TACC2: variants seen among roughly 807,000 people sequenced by gnomAD.
TACC2 encodes the protein transforming acidic coiled-coil-containing protein 2.
TACC2 carries 137 observed loss-of-function variants against 227.3 expected under a neutral mutation model. That is an observed-to-expected ratio of 0.60 (90% CI 0.52 to 0.69). The LOEUF (loss-of-function observed/expected upper bound fraction) is 0.69. Ranked by LOEUF, TACC2 falls within the 30% of genes least tolerant of loss-of-function variation. TACC2 has a pLI of 0.00. For missense variants in TACC2, 3,470 were observed against 3,694.4 expected, an observed-to-expected ratio of 0.94 and a Z score of 1.57; for synonymous variants, 1,523 against 1,487.5, an observed-to-expected ratio of 1.02 and a Z score of -0.55.
At chr10:122,198,964 TGGCAGGAGAGCTGAGGCAG>T (rs1411523018) in intron 8 of TACC2, among the ~76,000 whole-genome samples, 19 of 152,330 alleles carry the variant, frequency 1.2e-4, no homozygotes, top group African/African-American at 4.3e-4. Context: ...GGGGGCGACA[TGGCAGGAGAGCTGAGGCAG>T]GTCCATTCTG....
chr10:122,133,841 A>G (rs1420541269), intron 6 of TACC2, among the ~76,000 whole-genome samples: 6 of 152,188 alleles, frequency 3.9e-5, no homozygotes, highest in Non-Finnish European at 1.5e-5. Flanking sequence ...TCCTTGAGGG[A>G]GGAACTGGTC....
intron 7 of TACC2, among the ~76,000 whole-genome samples, chr10:122,177,320 G>T (rs2093765142): frequency 6.6e-6 from 1 of 152,166 alleles, no homozygotes; most frequent in Non-Finnish European, 1.5e-5. Context: ...AGGGAGGCTG[G>T]AACAGAGAGA....
Position 122,087,063 on chromosome 10 carries a change from C to T in TACC2, c.4563C>T (p.Val1521=). 1.9e-6 allele frequency: 3 copies of T among 1,613,022 alleles called. No individual in the cohort carries two copies. Among genetic ancestry groups the T allele is most frequent in the South Asian group, 1.1e-5 (1 of 91,000 alleles). ...GAGVGKEMAG[V]PPTLREDERP... is the part of the protein sequence containing the mutation. The stretch of plus-strand genomic sequence containing the variant: ...GTGTGGGGAAGGAGATGGCAGGTGT[C>T]CCACCCACACTGAGGGAAGACGAGA... The change falls in exon 4 of 23, where the codon GTC becomes GTT. Residue 1521 remains valine (V), a synonymous_variant. Transcript: ENST00000369005.
intron 3 of TACC2, among the ~76,000 whole-genome samples, chr10:122,069,495 G>A (rs2077786712): frequency 6.6e-6 from 1 of 152,100 alleles, no homozygotes; most frequent in African/African-American, 2.4e-5. Context: ...ACCTGCCTTG[G>A]CCTCCCAAAG....
At chr10:122,250,385 A>C (rs928498619) in intron 22 of TACC2, among the ~76,000 whole-genome samples, 1 of 152,208 alleles carries the variant, frequency 6.6e-6, no homozygotes, top group Admixed American at 6.5e-5. Flanking sequence ...CTGCGTAGTC[A>C]TCCACGAGCC....
rs559057151 is a variant in TACC2 at position 122,184,849 on chromosome 10, A to G, written c.5835-10191A>G. On this transcript the variant is annotated intron_variant, in intron 7 of 22. Coordinates refer to ENST00000369005, the MANE Select transcript of TACC2 (RefSeq NM_206862.4). ...TAACTGGGAGTTATCCTGATTGTACATGCAATCCCACTCACCTTCGTTAAC... is the reference window on the plus strand; with the variant it reads ...TAACTGGGAGTTATCCTGATTGTACGTGCAATCCCACTCACCTTCGTTAAC... 8.9e-4 allele frequency among the ~76,000 whole-genome samples: 135 copies of G among 152,114 alleles called. 1 individual carries two copies. The highest frequency in any genetic ancestry group is 1.8e-3 in the Non-Finnish European group (119 of 67,992).
rs149295961 is a variant in TACC2 at position 122,084,280 on chromosome 10, C to A, written c.1780C>A (p.Leu594Met). 6.2e-7 allele frequency: 1 copy of A among 1,613,892 alleles called. No homozygotes were observed. Among genetic ancestry groups the A allele is most frequent in the African/African-American group, 1.3e-5 (1 of 74,936 alleles). The stretch of plus-strand genomic sequence containing the variant: ...ACCTGATGGTGGAGACCCAGGGAAC[C>A]TGCAAGGAGAGGACTCTCAGGCTTT... ...EPPDGGDPGN[L>M]QGEDSQAFSS... Residue 594 changes from leucine to methionine, a missense_variant, in exon 4 of 23, where the codon CTG becomes ATG. Around this residue, in one of 10 missense-constraint regions of TACC2, gnomAD observed 1,924 missense variants for 1,978.3 expected, o/e 0.97. Transcript: ENST00000369005.
chr10:122,132,052 G>GGT (rs2088292213), intron 5 of TACC2, among the ~76,000 whole-genome samples: 1 of 69,176 alleles, frequency 1.4e-5, no homozygotes, highest in Non-Finnish European at 2.7e-5. Flanking sequence ...AAGAAAGAAA[G>GGT]AAAGAAAGAA....
chr10:122,253,262 G>T lies in TACC2; in HGVS notation c.8782-729G>T, dbSNP rs145178332. Reference sequence around the variant, plus strand: ...AAGGCCATTGGAGATCGGTCGTGCTGTTGAACTTGATCAGCATCAGAGCCA... The same window carrying T: ...AAGGCCATTGGAGATCGGTCGTGCTTTTGAACTTGATCAGCATCAGAGCCA... On this transcript the variant is annotated intron_variant, in intron 22 of 22. Transcript: ENST00000369005. 1.1e-3 allele frequency among the ~76,000 whole-genome samples: 175 copies of T among 152,330 alleles called. 1 individual carries two copies. In the South Asian group the frequency reaches 0.017, roughly 15 times the overall value.
At chr10:122,016,519 A>G (rs1956655350) in intron 1 of TACC2, among the ~76,000 whole-genome samples, 1 of 149,614 alleles carries the variant, frequency 6.7e-6, no homozygotes, top group South Asian at 2.2e-4. Flanking sequence ...GTGAGCCGAG[A>G]TTGCACCACT....
In TACC2 at chr10:122,132,664, C is replaced by G. The variant is rs770595283; in HGVS notation, c.5629C>G (p.Pro1877Ala). The G allele has an allele frequency of 1.7e-5, 27 of 1,614,214 alleles. No individual in the cohort carries two copies. In the Admixed American group the frequency reaches 2.5e-4, roughly 15 times the overall value. ...CGCTGCCCCCGCAGACCTGGAAAGC[C>G]CAACCTTAGCTGCCTCTTCCTACCA... is the stretch of plus-strand genomic sequence containing the variant. ...QPAAPADLESPTLAASSYHGD... is the reference protein window; with the variant it reads ...QPAAPADLESATLAASSYHGD... Residue 1877 changes from proline to alanine, a missense_variant, in exon 6 of 23, where the codon CCA becomes GCA. Transcript: ENST00000369005.
intron 3 of TACC2, among the ~76,000 whole-genome samples, chr10:122,073,106 C>CA (rs1164376721): frequency 0.039 from 749 of 19,322 alleles, 43 homozygotes; most frequent in East Asian, 0.041. Flanking sequence ...GACTCTGTCT[C>CA]AAAAAAAAAA....
chr10:122,043,060 C>T (rs1396446793), intron 2 of TACC2, among the ~76,000 whole-genome samples: 1 of 152,112 alleles, frequency 6.6e-6, no homozygotes. Context: ...AGATTGTGGT[C>T]CCCAGTTTAT....
chr10:122,204,124 GC>G (rs1487641467), intron 8 of TACC2, among the ~76,000 whole-genome samples: 1 of 147,686 alleles, frequency 6.8e-6, no homozygotes, highest in Non-Finnish European at 1.5e-5. Flanking sequence ...TCCAGCTTCG[GC>G]TCGGCATCAG....
chr10:122,118,306 C>T (rs557035604), intron 5 of TACC2, among the ~76,000 whole-genome samples: 3 of 152,114 alleles, frequency 2.0e-5, no homozygotes, highest in East Asian at 1.9e-4. Flanking sequence ...TGAGCCACCG[C>T]GCCCAGCCTG....
chr10:122,096,449 C>A (rs1274331890), intron 5 of TACC2, among the ~76,000 whole-genome samples: 1 of 152,212 alleles, frequency 6.6e-6, no homozygotes, highest in African/African-American at 2.4e-5. Flanking sequence ...ATAATCCCAG[C>A]ACTTTGGGAG....
intron 5 of TACC2, among the ~76,000 whole-genome samples, chr10:122,122,268 T>C (rs1325114732): frequency 6.6e-6 from 1 of 152,080 alleles, no homozygotes; most frequent in African/African-American, 2.4e-5. Context: ...GGCAGGAGAA[T>C]GGCGTGAACC....
intron 5 of TACC2, among the ~76,000 whole-genome samples, chr10:122,105,328 G>T (rs1187714670): frequency 6.6e-6 from 1 of 152,118 alleles, no homozygotes; most frequent in East Asian, 1.9e-4. Flanking sequence ...CCAGTCTCTG[G>T]CCTCATTTCC....
chr10:122,035,078 G>A (rs925734650), intron 2 of TACC2, among the ~76,000 whole-genome samples: 16 of 152,186 alleles, frequency 1.1e-4, no homozygotes, highest in African/African-American at 3.6e-4. Context: ...GAGACAAGAA[G>A]CCATCTTGGG....
Sources: allele counts gnomAD v4.1 joint callset (sites outside exome capture counted in the v4.1 genomes callset), GRCh38; gene constraint gnomAD v4.1.1; regional missense constraint gnomAD v4.1.1; transcripts MANE v1.5; gene names NCBI Gene and HGNC (gene_info 2026-07-23, HGNC 2026-07-21).